Variants in RGS17 observed in about 807,000 individuals in gnomAD.
The protein encoded by RGS17 is regulator of G protein signaling 17.
In RGS17, 12 loss-of-function variants were observed where a neutral mutation model predicts 25.5. The observed-to-expected ratio is 0.47, with a 90% confidence interval of 0.30 to 0.76. The LOEUF (loss-of-function observed/expected upper bound fraction) is 0.76, where lower values mean the gene tolerates loss of function less well. Among genes scored for constraint, RGS17 ranks in the 30% least tolerant of loss-of-function variants. The pLI is 0.07. For synonymous variants in RGS17, 71 were observed against 76.9 expected, an observed-to-expected ratio of 0.92 and a Z score of 0.40; for missense variants, 196 against 242.2, an observed-to-expected ratio of 0.81 and a Z score of 1.27.
chr6:153,060,006 C>A (rs1322009597), intron 1 of RGS17, among the ~76,000 whole-genome samples: 1 of 152,058 alleles, frequency 6.6e-6, no homozygotes, highest in Non-Finnish European at 1.5e-5. Flanking sequence ...CAGTATCAAC[C>A]AATACAGAGT....
chr6:153,129,340 A>G (rs1344585046), intron 1 of RGS17, among the ~76,000 whole-genome samples: 1 of 152,226 alleles, frequency 6.6e-6, no homozygotes, highest in Admixed American at 6.5e-5. Context: ...ATTCATTTGT[A>G]TTAAATCACC....
intron 3 of RGS17, among the ~76,000 whole-genome samples, chr6:153,024,908 A>G (rs1247586207): frequency 6.6e-6 from 1 of 152,182 alleles, no homozygotes; most frequent in Non-Finnish European, 1.5e-5. Flanking sequence ...TTTTCCAGCC[A>G]TAAGATACAG....
At chr6:153,093,443 C>T (rs73785742) in intron 1 of RGS17, among the ~76,000 whole-genome samples, 3,586 of 152,268 alleles carry the variant, frequency 0.024, 140 homozygotes, top group African/African-American at 0.077. Flanking sequence ...TTTGGTTCAT[C>T]TTTCTTTTTT....
intron 2 of RGS17, 65 bp downstream of exon 2, chr6:153,043,835 G>T: frequency 1.1e-6 from 1 of 899,946 alleles, no homozygotes; most frequent in Non-Finnish European, 1.7e-6. Flanking sequence ...CTGAGATTTG[G>T]CATGCATGTT....
chr6:153,102,839 T>C (rs974645700), intron 1 of RGS17, among the ~76,000 whole-genome samples: 1 of 152,242 alleles, frequency 6.6e-6, no homozygotes, highest in Non-Finnish European at 1.5e-5. Flanking sequence ...CCATGTTCAT[T>C]GTGTATGTGT....
intron 1 of RGS17, among the ~76,000 whole-genome samples, chr6:153,101,198 C>T (rs1241245156): frequency 6.6e-6 from 1 of 152,228 alleles, no homozygotes; most frequent in Admixed American, 6.5e-5. Flanking sequence ...ATACTCTATA[C>T]AGTTGACCCT....
chr6:153,014,389 A>G (rs1420471473), intron 4 of RGS17, among the ~76,000 whole-genome samples: 1 of 152,208 alleles, frequency 6.6e-6, no homozygotes. Context: ...GTCATCCGAG[A>G]GCTTTGATGA....
rs1042683818 is a variant in RGS17 at position 153,110,317 on chromosome 6, C to G, written c.-26+20807G>C. On this transcript the variant is annotated intron_variant, in intron 1 of 4. Transcript: ENST00000206262. Reference sequence around the variant, plus strand: ...TTTCCTTTCCTGGTTCTAGTTTCCTCTTCAATTCTGATGAGCTTCTCTCTA... The same window carrying G: ...TTTCCTTTCCTGGTTCTAGTTTCCTGTTCAATTCTGATGAGCTTCTCTCTA... 5.3e-5 allele frequency among the ~76,000 whole-genome samples: 8 copies of G among 152,086 alleles called. No homozygotes were observed. The South Asian group carries it at 6.2e-4, about 12-fold the overall frequency.
At chr6:153,072,417 T>C (rs1692245706) in intron 1 of RGS17, among the ~76,000 whole-genome samples, 1 of 152,192 alleles carries the variant, frequency 6.6e-6, no homozygotes, top group Admixed American at 6.5e-5. Flanking sequence ...TCTTCTTTTA[T>C]TGAGGAGTTT....
intron 1 of RGS17, among the ~76,000 whole-genome samples, chr6:153,103,097 G>C (rs1451694927): frequency 1.3e-5 from 2 of 152,186 alleles, no homozygotes; most frequent in Non-Finnish European, 2.9e-5. Flanking sequence ...GCACTCTTCA[G>C]TTATTCTTTT....
chr6:153,075,467 A>T (rs1387214039), intron 1 of RGS17, among the ~76,000 whole-genome samples: 1 of 152,138 alleles, frequency 6.6e-6, no homozygotes, highest in African/African-American at 2.4e-5. Flanking sequence ...TGGATCTCAC[A>T]TTCTTGCACC....
rs961240932 is a variant in RGS17, at chr6:153,009,568, A to T, written c.*2006T>A. Reference sequence around the variant, plus strand: ...AACATATTACTGAAAACTTATTCAAATAGTATTTAAATGACATGAATAAAA... The same window carrying T: ...AACATATTACTGAAAACTTATTCAATTAGTATTTAAATGACATGAATAAAA... On this transcript the variant is annotated 3_prime_UTR_variant, in exon 5 of 5. Coordinates refer to ENST00000206262, the MANE Select transcript of RGS17 (RefSeq NM_012419.5). 1 of 151,994 alleles carries T rather than the reference A, an allele frequency of 6.6e-6. No homozygotes were observed. Among genetic ancestry groups the T allele is most frequent in the Non-Finnish European group, 1.5e-5 (1 of 67,866 alleles). The allele number at this position is 151,994 out of a possible 1,614,324, so 9.4% of individuals were successfully genotyped here.
intron 4 of RGS17, among the ~76,000 whole-genome samples, chr6:153,013,584 A>G (rs1207429496): frequency 6.6e-6 from 1 of 152,250 alleles, no homozygotes; most frequent in Non-Finnish European, 1.5e-5. Flanking sequence ...GACTGGTCAA[A>G]AGCTGGGCCT....
intron 2 of RGS17, among the ~76,000 whole-genome samples, chr6:153,034,652 C>G (rs111855280): frequency 0.028 from 4,331 of 152,204 alleles, 202 homozygotes; most frequent in African/African-American, 0.1. Flanking sequence ...GGAATGTACT[C>G]AGGTCTGTAA....
intron 1 of RGS17, among the ~76,000 whole-genome samples, chr6:153,063,710 T>C (rs1340268371): frequency 6.6e-6 from 1 of 152,084 alleles, no homozygotes; most frequent in Admixed American, 6.5e-5. Flanking sequence ...TAGAGAAAGA[T>C]ATCAATATCC....
chr6:153,054,281 C>T (rs1776521777), intron 1 of RGS17, among the ~76,000 whole-genome samples: 1 of 150,616 alleles, frequency 6.6e-6, no homozygotes, highest in Non-Finnish European at 1.5e-5. Context: ...TCTTGGATAT[C>T]CATTTATTCA....
intron 4 of RGS17, among the ~76,000 whole-genome samples, chr6:153,015,137 G>A (rs1197403156): frequency 6.6e-6 from 1 of 152,158 alleles, no homozygotes; most frequent in Non-Finnish European, 1.5e-5. Context: ...TAAAGAATAG[G>A]GGCTTGCTTC....
chr6:153,109,917 C>T (rs1777442768), intron 1 of RGS17, among the ~76,000 whole-genome samples: 1 of 152,200 alleles, frequency 6.6e-6, no homozygotes, highest in Admixed American at 6.5e-5. Context: ...AAATTTCTTC[C>T]AAACATGAGA....
At chr6:153,104,269 C>T (rs1254421794) in intron 1 of RGS17, among the ~76,000 whole-genome samples, 2 of 152,130 alleles carry the variant, frequency 1.3e-5, no homozygotes, top group East Asian at 1.9e-4. Flanking sequence ...TTATAGAACT[C>T]GATAGCTGTT....
Sources: gnomAD v4.1 joint callset for allele counts (sites outside exome capture counted in the v4.1 genomes callset) on GRCh38, gnomAD v4.1.1 for gene constraint, MANE v1.5 for transcripts, NCBI Gene and HGNC (gene_info 2026-07-23, HGNC 2026-07-21) for gene names.